The following KDM6A variants were observed in gnomAD, a reference collection of about 807,000 sequenced individuals.
The protein encoded by KDM6A is lysine-specific demethylase 6A.
Under a neutral mutation model 117.6 loss-of-function variants are expected in KDM6A, and 11 were observed. That is an observed-to-expected ratio of 0.09 (90% confidence interval 0.06 to 0.15). The LOEUF is 0.15. KDM6A is among the 10% of genes least tolerant of loss of function. The pLI, the probability that KDM6A is intolerant of heterozygous loss-of-function variation, is 1.00. For missense variants in KDM6A, 799 were observed against 1,077.3 expected (o/e 0.74, Z 3.62); for synonymous variants, 384 against 396.1 (o/e 0.97, Z 0.36).
At chrX:45,086,064 T>C (rs978354950) in intron 25 of KDM6A, 85 bp downstream of exon 25, 1 of 548,421 alleles carries the variant, frequency 1.8e-6, no homozygotes, top group East Asian at 3.5e-5. Context: ...GATCTCCTAA[T>C]GGATACATTG....
At chrX:44,934,040 A>C (rs2036829088) in intron 2 of KDM6A, among the ~76,000 whole-genome samples, 1 of 112,673 alleles carries the variant, frequency 8.9e-6, no homozygotes, top group South Asian at 3.6e-4. Context: ...GTTTACTTTA[A>C]ATAATTTCCC....
intron 2 of KDM6A, among the ~76,000 whole-genome samples, chrX:44,922,027 CCTTTTTTTTTTTTTTTTTTTTT>C (rs375770192): frequency 0.059 from 2,239 of 37,695 alleles, 213 homozygotes; most frequent in Middle Eastern, 0.11. Flanking sequence ...ATTGTGTGTG[CCTTTTTTTTTTTTTTTTTTTTT>C]TTTTTTTTTT....
At chrX:45,021,920 C>T (rs1347480377) in intron 6 of KDM6A, among the ~76,000 whole-genome samples, 1 of 111,822 alleles carries the variant, frequency 8.9e-6, no homozygotes, top group African/African-American at 3.2e-5. Flanking sequence ...GGGACGTCAG[C>T]GGATATGAAC....
chrX:45,055,045 A>G (rs1409314104), intron 10 of KDM6A, among the ~76,000 whole-genome samples: 1 of 111,466 alleles, frequency 9.0e-6, no homozygotes, highest in African/African-American at 3.3e-5. Context: ...GCTGTAGTTG[A>G]GAAACCCTGA....
chrX:44,900,560 T>C (rs1234263955), intron 2 of KDM6A, among the ~76,000 whole-genome samples: 3 of 112,088 alleles, frequency 2.7e-5, no homozygotes, highest in Admixed American at 1.9e-4. Flanking sequence ...GGCCCTTCAA[T>C]AATAGGGAGT....
In KDM6A at chrX:45,042,227, CAGAG is replaced by C. The variant is rs1569528608; in HGVS notation, c.654+4539_654+4542del. On this transcript the variant is annotated intron_variant, in intron 8 of 29. Transcript: ENST00000611820. ...GTACCGTCCAGCTTCGGCTCGGCAT[CAGAG>C]GGAGACCGTGGAAGGAGACCGTGGA... is the stretch of plus-strand genomic sequence containing the variant. 9.1e-3 allele frequency among the ~76,000 whole-genome samples: 719 copies of C among 79,089 alleles called. 108 individuals carry two copies. Among genetic ancestry groups the C allele is most frequent in the African/African-American group, 0.037 (666 of 17,965 alleles). The allele number at this position is 79,089 out of a possible 115,157, so 68.7% of individuals were successfully genotyped here.
intron 2 of KDM6A, among the ~76,000 whole-genome samples, chrX:44,894,604 A>T (rs7051280): frequency 0.23 from 23,735 of 102,933 alleles, 4,316 homozygotes; most frequent in African/African-American, 0.61. Flanking sequence ...TTGTCAACTT[A>T]ATTAATTAAT....
chrX:44,950,793 A>G (rs1304108767), intron 2 of KDM6A, among the ~76,000 whole-genome samples: 1 of 110,481 alleles, frequency 9.1e-6, no homozygotes, highest in Non-Finnish European at 1.9e-5. Flanking sequence ...AATCTGATCA[A>G]TCTTTTATTC....
chrX:44,909,491 A>G (rs1289142102), intron 2 of KDM6A, among the ~76,000 whole-genome samples: 1 of 110,363 alleles, frequency 9.1e-6, no homozygotes, highest in East Asian at 2.8e-4. Flanking sequence ...CCCCCACCCA[A>G]ATGATTATAT....
chrX:44,947,813 G>T (rs931452521), intron 2 of KDM6A, among the ~76,000 whole-genome samples: 1 of 111,530 alleles, frequency 9.0e-6, no homozygotes, highest in East Asian at 2.8e-4. Context: ...GAAGGTGTTC[G>T]CTCATTGAGG....
intron 8 of KDM6A, among the ~76,000 whole-genome samples, chrX:45,048,812 C>T (rs1191213903): frequency 2.7e-5 from 3 of 109,467 alleles, no homozygotes; most frequent in Non-Finnish European, 5.7e-5. Context: ...GAATGTGAAG[C>T]TGTGTGTGGA....
chrX:45,041,564 C>G (rs1395576759), intron 8 of KDM6A, among the ~76,000 whole-genome samples: 2 of 110,704 alleles, frequency 1.8e-5, no homozygotes, highest in African/African-American at 6.7e-5. Context: ...AGGGTTTCCT[C>G]ACTTCTCAGA....
At chrX:44,985,020 G>A (rs1293616607) in intron 4 of KDM6A, among the ~76,000 whole-genome samples, 2 of 109,659 alleles carry the variant, frequency 1.8e-5, no homozygotes, top group Admixed American at 9.8e-5. Context: ...CCATTTTCAC[G>A]ATATTGATTC....
At chrX:44,955,643 A>G (rs1247750181) in intron 2 of KDM6A, among the ~76,000 whole-genome samples, 1 of 111,383 alleles carries the variant, frequency 9.0e-6, no homozygotes, top group Non-Finnish European at 1.9e-5. Flanking sequence ...CTAATATTTC[A>G]GTGATTTTAA....
intron 3 of KDM6A, among the ~76,000 whole-genome samples, chrX:44,967,318 C>T (rs2039083065): frequency 9.0e-6 from 1 of 111,514 alleles, no homozygotes; most frequent in Non-Finnish European, 1.9e-5. Context: ...CCTTTGGCTA[C>T]CTCCTTCTCC....
intron 5 of KDM6A, among the ~76,000 whole-genome samples, chrX:45,014,023 T>G (rs1030010257): frequency 9.0e-6 from 1 of 111,702 alleles, no homozygotes; most frequent in African/African-American, 3.3e-5. Flanking sequence ...GGGATGAGTA[T>G]GGGTTCTTGT....
intron 3 of KDM6A, among the ~76,000 whole-genome samples, chrX:44,966,317 C>CT (rs1055028221): frequency 7.3e-5 from 8 of 109,176 alleles, no homozygotes; most frequent in South Asian, 4.0e-4. Flanking sequence ...ATTTTTTGTA[C>CT]TTTTTTTAGA....
intron 2 of KDM6A, among the ~76,000 whole-genome samples, chrX:44,940,064 T>G (rs1204016799): frequency 1.8e-5 from 2 of 111,391 alleles, no homozygotes; most frequent in Non-Finnish European, 3.8e-5. Flanking sequence ...TCAACAAACT[T>G]TTTTTTGAGG....
intron 4 of KDM6A, among the ~76,000 whole-genome samples, chrX:45,001,450 C>T (rs1260368416): frequency 9.0e-6 from 1 of 111,397 alleles, no homozygotes; most frequent in African/African-American, 3.3e-5. Flanking sequence ...AGCAAGACTC[C>T]TGGTTGACAC....
Sources: allele counts gnomAD v4.1 joint callset (sites outside exome capture counted in the v4.1 genomes callset), GRCh38; gene constraint gnomAD v4.1.1; transcripts MANE v1.5; gene names NCBI Gene and HGNC (gene_info 2026-07-23, HGNC 2026-07-21).